The following RBMX2 variants were observed in gnomAD, a reference collection of about 807,000 sequenced individuals.
RBMX2 encodes RNA-binding motif protein, X-linked 2.
For synonymous variants in RBMX2, 77 were observed against 94.3 expected, an observed-to-expected ratio of 0.82 and a Z score of 1.07; for missense variants, 191 against 256.0, an observed-to-expected ratio of 0.75 and a Z score of 1.73.
At chrX:130,412,127 C>A (rs2034515826) in intron 5 of RBMX2, among the ~76,000 whole-genome samples, 1 of 106,293 alleles carries the variant, frequency 9.4e-6, no homozygotes, top group Admixed American at 1.0e-4. Flanking sequence ...GGGGTTTCAC[C>A]GTGTTAGCCA....
At chrX:130,411,613 G>A in intron 5 of RBMX2, 88 bp downstream of exon 5, 1 of 864,848 alleles carries the variant, frequency 1.2e-6, no homozygotes, top group Non-Finnish European at 1.6e-6. Context: ...ATCAACTCAA[G>A]TGTGAAAGGG....
At chrX:130,402,224 T>TAGCCG in intron 1 of RBMX2, 31 bp from the exon 2 acceptor site, 1 of 1,174,332 alleles carries the variant, frequency 8.5e-7, no homozygotes, top group Non-Finnish European at 1.1e-6. Flanking sequence ...CTTTTCTGCC[T>TAGCCG]ACCCTCCCCA....
At chrX:130,412,083 C>T (rs1239531131) in intron 5 of RBMX2, among the ~76,000 whole-genome samples, 1 of 109,075 alleles carries the variant, frequency 9.2e-6, no homozygotes, top group Non-Finnish European at 1.9e-5. Context: ...CCACCACACC[C>T]GGCTAATTTT....
intron 4 of RBMX2, among the ~76,000 whole-genome samples, chrX:130,410,054 G>C (rs187915291): frequency 8.9e-6 from 1 of 111,817 alleles, no homozygotes; most frequent in Admixed American, 9.5e-5. Context: ...CAGAGTTGGT[G>C]GGGGGAGGCT....
intron 3 of RBMX2, among the ~76,000 whole-genome samples, chrX:130,404,957 C>T (rs1042378378): frequency 1.8e-5 from 2 of 112,721 alleles, no homozygotes; most frequent in African/African-American, 6.4e-5. Context: ...AGCTGTTCTA[C>T]TTGCATTAAG....
intron 3 of RBMX2, among the ~76,000 whole-genome samples, chrX:130,405,170 G>A (rs767310108): frequency 7.2e-5 from 8 of 111,087 alleles, no homozygotes; most frequent in African/African-American, 2.6e-4. Context: ...CCTGAGGTCA[G>A]GAGTTTGAGA....
chrX:130,412,553 C>T lies in RBMX2; in HGVS notation c.674C>T (p.Pro225Leu), dbSNP rs761328480. The change falls in exon 6 of 6, where the codon CCC (proline) becomes CTC (leucine). Residue 225 changes from proline to leucine, a missense_variant. Transcript: ENST00000305536. Reference protein sequence around the residue: ...KSEPREGQKLPKSRTAYSGGA... With the variant: ...KSEPREGQKLLKSRTAYSGGA... ...GAGCCCAGGGAGGGGCAGAAGCTCC[C>T]CAAATCCAGGACGGCCTACTCTGGT... 1.7e-6 allele frequency: 2 copies of T among 1,205,531 alleles called. No individual in the cohort carries two copies. Among genetic ancestry groups the T allele is most frequent in the East Asian group, 3.0e-5 (1 of 33,570 alleles).
chrX:130,407,900 T>C (rs1475373742), intron 3 of RBMX2, among the ~76,000 whole-genome samples: 1 of 111,318 alleles, frequency 9.0e-6, no homozygotes, highest in Non-Finnish European at 1.9e-5. Flanking sequence ...CATCAAGTGA[T>C]CCTATGGCCT....
intron 4 of RBMX2, among the ~76,000 whole-genome samples, chrX:130,410,956 C>G (rs2034509354): frequency 1.8e-5 from 2 of 112,435 alleles, no homozygotes; most frequent in African/African-American, 6.5e-5. Context: ...GTATGTTTCA[C>G]TGTAAACTTA....
chrX:130,403,346 A>C (rs776394839), intron 2 of RBMX2, among the ~76,000 whole-genome samples: 22 of 112,344 alleles, frequency 2.0e-4, no homozygotes, highest in Non-Finnish European at 3.4e-4. Context: ...TACTTCTGTC[A>C]TTGAGTCAGA....
intron 4 of RBMX2, among the ~76,000 whole-genome samples, chrX:130,409,621 G>A (rs2034502432): frequency 9.0e-6 from 1 of 111,708 alleles, no homozygotes; most frequent in Non-Finnish European, 1.9e-5. Flanking sequence ...CTCCCCAGGA[G>A]CATAGGCACC....
At chrX:130,412,060 C>A (rs2034515140) in intron 5 of RBMX2, among the ~76,000 whole-genome samples, 1 of 109,593 alleles carries the variant, frequency 9.1e-6, no homozygotes, top group Non-Finnish European at 1.9e-5. Flanking sequence ...GTAGCTGGGA[C>A]TAGAAGCACC....
chrX:130,402,225 A>AGCCAACCCC, intron 1 of RBMX2, 30 bp from the exon 2 acceptor site: 1 of 984,787 alleles, frequency 1.0e-6, no homozygotes. Flanking sequence ...TTTTCTGCCT[A>AGCCAACCCC]CCCTCCCCAC....
rs1241753397 is a variant in RBMX2, at chrX:130,406,097, C to T, written c.173+2244C>T. Among the ~76,000 whole-genome samples, 24 of 95,296 alleles carry T rather than the reference C, an allele frequency of 2.5e-4. 4 individuals are homozygous for T. Among genetic ancestry groups the T allele is most frequent in the Admixed American group, 1.8e-3 (16 of 8,968 alleles). 82.8% of individuals were successfully genotyped at this position (95,296 alleles called of 115,157 possible). On this transcript the variant is annotated intron_variant, in intron 3 of 5. Coordinates refer to ENST00000305536, the MANE Select transcript of RBMX2 (RefSeq NM_016024.4). Reference sequence around the variant, plus strand: ...GTCTCGATCTCTTGACCTCGTGATCCGCCCGCCTCGGCCTCCCAAAGTGCT... The same window carrying T: ...GTCTCGATCTCTTGACCTCGTGATCTGCCCGCCTCGGCCTCCCAAAGTGCT...
At chrX:130,402,600 G>A (rs1478273286) in intron 2 of RBMX2, among the ~76,000 whole-genome samples, 2 of 111,984 alleles carry the variant, frequency 1.8e-5, no homozygotes, top group African/African-American at 6.5e-5. Context: ...GCTGTGCTAA[G>A]GTTCAGGGAC....
intron 3 of RBMX2, among the ~76,000 whole-genome samples, chrX:130,406,134 T>C (rs113310943): frequency 0.13 from 9,474 of 72,788 alleles, 3,005 homozygotes; most frequent in African/African-American, 0.77. Context: ...GGATTACAGG[T>C]GTGAGCCACC....
intron 2 of RBMX2, 133 bp downstream of exon 2, chrX:130,402,503 G>A: frequency 5.7e-6 from 6 of 1,051,503 alleles, no homozygotes; most frequent in South Asian, 2.4e-5. Context: ...GTCTGCCCGG[G>A]AATCCGTGTT....
chrX:130,412,713 C>T lies in RBMX2; in HGVS notation c.834C>T (p.Ser278=), dbSNP rs1185749443. The T allele has an allele frequency of 4.1e-6, 5 of 1,210,779 alleles. No individual in the cohort carries two copies. Among genetic ancestry groups the T allele is most frequent in the Non-Finnish European group, 5.6e-6 (5 of 895,335 alleles). Residue 278 remains serine (S), a synonymous_variant, in exon 6 of 6, where the codon AGC becomes AGT. Transcript: ENST00000305536. ...GGCGGAGCTCAGATGCACATTCTAG[C>T]TGGTATAATGGGCGTTCTGAAGGGC... ...DRGRSSDAHS[S]WYNGRSEGRS... is the part of the protein sequence containing the mutation.
At chrX:130,404,067 T>A in intron 3 of RBMX2, 1 of 405,329 alleles carries the variant, frequency 2.5e-6, no homozygotes, top group Middle Eastern at 3.9e-4. Context: ...TGGGAGGGCA[T>A]CTTGGGGATC....
Sources: allele counts gnomAD v4.1 joint callset (sites outside exome capture counted in the v4.1 genomes callset), GRCh38; gene constraint gnomAD v4.1.1; transcripts MANE v1.5; gene names NCBI Gene and HGNC (gene_info 2026-07-23, HGNC 2026-07-21).